Variants in EDC3 observed in about 807,000 individuals in gnomAD.
The protein encoded by EDC3 is enhancer of mRNA-decapping protein 3.
In EDC3, 20 loss-of-function variants were observed where a neutral mutation model predicts 41.8. The ratio of observed to expected loss-of-function variants is 0.48; its 90% CI spans 0.34 to 0.70. EDC3 has a LOEUF of 0.70. Among genes scored for constraint, EDC3 ranks in the 30% least tolerant of loss-of-function variants. The pLI, the probability that EDC3 is intolerant of heterozygous loss-of-function variation, is 0.01. For missense variants in EDC3, 444 were observed against 636.8 expected, an observed-to-expected ratio of 0.70 and a Z score of 3.26; for synonymous variants, 206 against 243.2, an observed-to-expected ratio of 0.85 and a Z score of 1.42.
chr15:74,655,605 G>A (rs894155133), intron 4 of EDC3, 128 bp downstream of exon 4: 10 of 916,624 alleles, frequency 1.1e-5, no homozygotes, highest in South Asian at 3.6e-5. Flanking sequence ...AATAATACCG[G>A]GCCAGCCACC....
chr15:74,674,196 C>A (rs925915443), intron 2 of EDC3, among the ~76,000 whole-genome samples: 4 of 152,162 alleles, frequency 2.6e-5, no homozygotes, highest in Admixed American at 6.5e-5. Flanking sequence ...TCTCCAACTC[C>A]TAGGCTCAAG....
At chr15:74,665,457 C>T (rs1020232858) in intron 3 of EDC3, among the ~76,000 whole-genome samples, 1 of 152,184 alleles carries the variant, frequency 6.6e-6, no homozygotes, top group African/African-American at 2.4e-5. Context: ...CTTTCATCTG[C>T]CCCTCATGGT....
At chr15:74,679,470 C>T (rs2062844168) in intron 1 of EDC3, among the ~76,000 whole-genome samples, 1 of 152,056 alleles carries the variant, frequency 6.6e-6, no homozygotes, top group Non-Finnish European at 1.5e-5. Flanking sequence ...ATCATTTTAA[C>T]AGAATGAGAA....
chr15:74,644,911 A>G (rs2141592324), intron 4 of EDC3: 1 of 152,286 alleles, frequency 6.6e-6, no homozygotes, highest in East Asian at 1.9e-4. Flanking sequence ...TGATGGGACA[A>G]GGGGATACAA....
intron 4 of EDC3, among the ~76,000 whole-genome samples, chr15:74,650,528 G>A (rs918115547): frequency 2.0e-5 from 3 of 152,084 alleles, no homozygotes; most frequent in Non-Finnish European, 4.4e-5. Context: ...AACACCTAGT[G>A]CACTTAATGT....
chr15:74,663,988 A>C (rs143570038), intron 3 of EDC3, among the ~76,000 whole-genome samples: 1 of 152,314 alleles, frequency 6.6e-6, no homozygotes, highest in East Asian at 1.9e-4. Flanking sequence ...TGTATGAAGA[A>C]GGTTTCAGGT....
chr15:74,676,193 G>T (rs1404892980), intron 1 of EDC3, among the ~76,000 whole-genome samples: 1 of 152,128 alleles, frequency 6.6e-6, no homozygotes, highest in East Asian at 1.9e-4. Flanking sequence ...TCAGAAAATA[G>T]TTCTAACTCA....
intron 3 of EDC3, among the ~76,000 whole-genome samples, chr15:74,658,813 G>A (rs1281559480): frequency 2.0e-5 from 3 of 151,894 alleles, no homozygotes; most frequent in African/African-American, 4.8e-5. Flanking sequence ...GGTGGCATGC[G>A]CCTGTAGTCC....
Position 74,632,957 on chromosome 15 carries a change from A to T in EDC3, c.1193-11T>A, listed in dbSNP as rs1238855544. The T allele has an allele frequency of 1.2e-6, 2 of 1,611,398 alleles. No individual in the cohort carries two copies. Among genetic ancestry groups the T allele is most frequent in the East Asian group, 4.5e-5 (2 of 44,806 alleles). On this transcript the variant is annotated splice_polypyrimidine_tract_variant and intron_variant, in intron 6 of 6. Coordinates refer to ENST00000315127, the MANE Select transcript of EDC3 (RefSeq NM_025083.5). This position sits in a 1 kb window ranked among gnomAD's most constrained non-coding sequence, Gnocchi z 4.0. ...GGCTAGTGGGCAGATCTGCAGGTGG[A>T]AAGAGTGCCATCTGAAAGTCCCTAT...
chr15:74,635,126 A>T (rs1474067989), intron 6 of EDC3: 24 of 630,064 alleles, frequency 3.8e-5, no homozygotes, highest in South Asian at 6.0e-5. Context: ...GAATGGATTT[A>T]AAAAAATCTG....
chr15:74,646,697 C>G (rs981473450), intron 4 of EDC3, among the ~76,000 whole-genome samples: 3 of 152,154 alleles, frequency 2.0e-5, no homozygotes, highest in African/African-American at 7.2e-5. Flanking sequence ...CAGTGTAGAG[C>G]AGTGGGCAGG....
chr15:74,655,225 GC>G (rs1159451610), intron 4 of EDC3, among the ~76,000 whole-genome samples: 1 of 152,204 alleles, frequency 6.6e-6, no homozygotes, highest in Admixed American at 6.5e-5. Context: ...CATGAAATTA[GC>G]CAACTTTCAA....
intron 4 of EDC3, among the ~76,000 whole-genome samples, chr15:74,646,493 G>C (rs1047928517): frequency 2.0e-5 from 3 of 152,214 alleles, no homozygotes; most frequent in African/African-American, 7.2e-5. Context: ...TTTCAAATCA[G>C]GAGCTACAGG....
rs916325097 is a variant in EDC3, at chr15:74,631,974, G to A, written c.*638C>T. The A allele has an allele frequency of 1.9e-5, 3 of 154,654 alleles. No individual in the cohort carries two copies. The highest frequency in any genetic ancestry group is 7.2e-5 in the African/African-American group (3 of 41,446). 9.6% of individuals were successfully genotyped at this position (154,654 alleles called of 1,614,324 possible). On this transcript the variant is annotated 3_prime_UTR_variant, in exon 7 of 7. Coordinates refer to ENST00000315127, the MANE Select transcript of EDC3 (RefSeq NM_025083.5). ...TAATGCCGCCCCCTTCCCTACCTCTGAGTGATGGAGGGAAAAGGAGGGAGA... is the reference window on the plus strand; with the variant it reads ...TAATGCCGCCCCCTTCCCTACCTCTAAGTGATGGAGGGAAAAGGAGGGAGA...
intron 1 of EDC3, among the ~76,000 whole-genome samples, chr15:74,686,333 A>G (rs949340190): frequency 6.6e-6 from 1 of 151,212 alleles, no homozygotes; most frequent in Non-Finnish European, 1.5e-5. Flanking sequence ...CTCAAAAAAA[A>G]AAAATTAGCC....
chr15:74,659,699 CT>C (rs1311388742), intron 3 of EDC3, among the ~76,000 whole-genome samples: 1 of 151,004 alleles, frequency 6.6e-6, no homozygotes, highest in African/African-American at 2.4e-5. Flanking sequence ...AGTGGGACCC[CT>C]GTCTTTATAA....
chr15:74,644,805 G>C (rs2062394491), intron 4 of EDC3: 2 of 152,042 alleles, frequency 1.3e-5, no homozygotes, highest in Admixed American at 1.3e-4. Flanking sequence ...GCAAAGAACT[G>C]CTCAACAAAA....
chr15:74,653,310 T>A (rs2062504561), intron 4 of EDC3, among the ~76,000 whole-genome samples: 2 of 152,110 alleles, frequency 1.3e-5, no homozygotes, highest in South Asian at 4.1e-4. Flanking sequence ...TGTTTCCCTA[T>A]ATATTCTAGT....
chr15:74,688,292 A>G (rs1055743916), intron 1 of EDC3, among the ~76,000 whole-genome samples: 7 of 152,258 alleles, frequency 4.6e-5, no homozygotes, highest in African/African-American at 1.7e-4. Context: ...AAAGAAGTAC[A>G]GGAGATACAG....
Sources: gnomAD v4.1 joint callset for allele counts (sites outside exome capture counted in the v4.1 genomes callset) on GRCh38, gnomAD v4.1.1 for gene constraint, Gnocchi (gnomAD v3.1) non-coding constraint, MANE v1.5 for transcripts, NCBI Gene and HGNC (gene_info 2026-07-23, HGNC 2026-07-21) for gene names.